Variants in PIK3C2G observed in about 807,000 individuals in gnomAD.
PIK3C2G encodes the protein phosphatidylinositol 3-kinase C2 domain-containing subunit gamma.
Under a neutral mutation model 181.1 loss-of-function variants are expected in PIK3C2G, and 168 were observed. The ratio of observed to expected loss-of-function variants is 0.93; its 90% confidence interval spans 0.82 to 1.05. The LOEUF (loss-of-function observed/expected upper bound fraction) is 1.05. Ranked by LOEUF, PIK3C2G falls within the 50% of genes least tolerant of loss-of-function variation. The pLI, the probability that PIK3C2G is intolerant of heterozygous loss-of-function variation, is 0.00. For synonymous variants in PIK3C2G, 573 were observed against 592.2 expected, an observed-to-expected ratio of 0.97 and a Z score of 0.47; for missense variants, 1,869 against 1,732.8, an observed-to-expected ratio of 1.08 and a Z score of -1.40.
rs199675689 is a variant in PIK3C2G, at chr12:18,420,412, GCA to G, written c.2316-526_2316-525del. ...CAAATGCCATCCAAAAATGAATAAG[GCA>G]CAGTTTCTTTCAAGAACTTCACAGT... On this transcript the variant is annotated intron_variant, in intron 16 of 32. Transcript: ENST00000538779. Among the ~76,000 whole-genome samples, 1,061 of 152,126 alleles carry G rather than the reference GCA, an allele frequency of 7.0e-3. 6 individuals are homozygous for G. The highest frequency in any genetic ancestry group is 0.019 in the African/African-American group (777 of 41,522).
chr12:18,624,403 C>G (rs1948999703), intron 31 of PIK3C2G, among the ~76,000 whole-genome samples: 1 of 151,650 alleles, frequency 6.6e-6, no homozygotes, highest in Non-Finnish European at 1.5e-5. Context: ...CGTCAATGAT[C>G]CTTTTAATGT....
At chr12:18,338,936 T>A (rs1194131565) in intron 9 of PIK3C2G, among the ~76,000 whole-genome samples, 1 of 152,112 alleles carries the variant, frequency 6.6e-6, no homozygotes, top group Admixed American at 6.6e-5. Context: ...ATGGTTCTCA[T>A]GTATACGAGT....
intron 22 of PIK3C2G, 70 bp downstream of exon 22, chr12:18,497,818 A>T: frequency 8.2e-7 from 1 of 1,221,046 alleles, no homozygotes; most frequent in South Asian, 1.9e-5. Context: ...ATAGGCTACG[A>T]AACTTTCTCC....
intron 26 of PIK3C2G, among the ~76,000 whole-genome samples, chr12:18,559,817 T>TAC (rs1565507562): frequency 4.5e-5 from 1 of 22,172 alleles, no homozygotes; most frequent in Non-Finnish European, 8.6e-5. Flanking sequence ...TATATATATA[T>TAC]ATATAGAGAG....
At chr12:18,578,432 C>G (rs1215475837) in intron 29 of PIK3C2G, among the ~76,000 whole-genome samples, 2 of 152,088 alleles carry the variant, frequency 1.3e-5, no homozygotes, top group East Asian at 3.9e-4. Context: ...GCAGTGTGAT[C>G]TGACTAATCA....
At chr12:18,366,341 TG>T (rs1171211638) in intron 12 of PIK3C2G, among the ~76,000 whole-genome samples, 2 of 152,174 alleles carry the variant, frequency 1.3e-5, no homozygotes, top group Non-Finnish European at 2.9e-5. Context: ...AAGACCAGCC[TG>T]GCCAACATGG....
At chr12:18,479,389 G>A (rs1468196876) in intron 18 of PIK3C2G, among the ~76,000 whole-genome samples, 1 of 152,072 alleles carries the variant, frequency 6.6e-6, no homozygotes, top group Non-Finnish European at 1.5e-5. Flanking sequence ...GCAAGGGCTG[G>A]GGAGTCAGAC....
At chr12:18,659,726 A>T in the PIK3C2G span, among the ~76,000 whole-genome samples, 1 of 143,662 alleles carries the variant, frequency 7.0e-6, no homozygotes, top group Non-Finnish European at 1.5e-5. Flanking sequence ...CACAACGTGC[A>T]GGTTTGTTAA....
chr12:18,683,293 C>A, the PIK3C2G span: 1 of 1,612,580 alleles, frequency 6.2e-7, no homozygotes, highest in Non-Finnish European at 8.5e-7. Context: ...GGCTCTCACC[C>A]ATTCTGGAAA....
At chr12:18,290,750 C>CAAAACACT in intron 3 of PIK3C2G, 105 bp from the exon 4 acceptor site, 1 of 738,410 alleles carries the variant, frequency 1.4e-6, no homozygotes, top group Non-Finnish European at 2.3e-6. Context: ...TCTTTTATAG[C>CAAAACACT]AAAACACTAC....
At chr12:18,462,389 AC>A (rs1947966519) in intron 18 of PIK3C2G, among the ~76,000 whole-genome samples, 3 of 152,102 alleles carry the variant, frequency 2.0e-5, no homozygotes, top group Admixed American at 2.0e-4. Flanking sequence ...AGAGCACCAT[AC>A]AAAAAAAAAT....
intron 24 of PIK3C2G, among the ~76,000 whole-genome samples, chr12:18,529,689 A>G (rs1053347872): frequency 2.0e-5 from 3 of 152,166 alleles, no homozygotes; most frequent in Non-Finnish European, 4.4e-5. Context: ...CTCCTCAGCT[A>G]TTTCAGAGTT....
chr12:18,362,735 C>T, intron 11 of PIK3C2G, 29 bp from the exon 12 acceptor site: 2 of 1,478,954 alleles, frequency 1.4e-6, no homozygotes, highest in Non-Finnish European at 1.8e-6. Flanking sequence ...AAGTGCTAAG[C>T]ATATTGAATT....
At chr12:18,390,781 A>C (rs1943485360) in intron 14 of PIK3C2G, among the ~76,000 whole-genome samples, 1 of 152,118 alleles carries the variant, frequency 6.6e-6, no homozygotes, top group Non-Finnish European at 1.5e-5. Context: ...TTTAACACCG[A>C]AATGTAAAAA....
intron 6 of PIK3C2G, among the ~76,000 whole-genome samples, chr12:18,316,869 T>C (rs555321561): frequency 4.5e-4 from 69 of 152,092 alleles, no homozygotes; most frequent in African/African-American, 1.5e-3. Context: ...ATGCGTAGAG[T>C]AGTGAGCAAT....
chr12:18,435,981 A>C (rs554057547), intron 18 of PIK3C2G, among the ~76,000 whole-genome samples: 15 of 151,792 alleles, frequency 9.9e-5, no homozygotes, highest in Non-Finnish European at 1.6e-4. Context: ...AAAAAAAAAA[A>C]CCCTGATTCA....
Position 18,636,845 on chromosome 12 carries a change from A to G in PIK3C2G, c.4183-3584A>G, listed in dbSNP as rs1421418611. Among the ~76,000 whole-genome samples, 7 of 152,238 alleles carry G rather than the reference A, an allele frequency of 4.6e-5. No homozygotes were observed. The East Asian group carries it at 9.7e-4, about 21-fold the overall frequency. ...CATGGCTTTGGTTTATTATTTTCCTAGATAGAGGCAATACTAGTGGCTCCC... is the reference window on the plus strand; with the variant it reads ...CATGGCTTTGGTTTATTATTTTCCTGGATAGAGGCAATACTAGTGGCTCCC... On this transcript the variant is annotated intron_variant, in intron 31 of 32. Coordinates refer to ENST00000538779, the MANE Select transcript of PIK3C2G (RefSeq NM_001288772.2).
At chr12:18,626,075 T>C (rs1387183661) in intron 31 of PIK3C2G, among the ~76,000 whole-genome samples, 1 of 151,956 alleles carries the variant, frequency 6.6e-6, no homozygotes, top group Non-Finnish European at 1.5e-5. Flanking sequence ...ACTGTATTGT[T>C]TTATTTATGT....
At chr12:18,412,017 T>C (rs1017387090) in intron 16 of PIK3C2G, among the ~76,000 whole-genome samples, 1 of 152,154 alleles carries the variant, frequency 6.6e-6, no homozygotes, top group African/African-American at 2.4e-5. Context: ...AAAAATATAT[T>C]TTTCTGTTGA....
Sources: gnomAD v4.1 joint callset for allele counts (sites outside exome capture counted in the v4.1 genomes callset) on GRCh38, gnomAD v4.1.1 for gene constraint, MANE v1.5 for transcripts, NCBI Gene and HGNC (gene_info 2026-07-23, HGNC 2026-07-21) for gene names.